SNRPD3: variants seen among roughly 807,000 people sequenced by gnomAD.
The protein encoded by SNRPD3 is small nuclear ribonucleoprotein Sm D3.
For missense variants in SNRPD3, 73 were observed against 167.5 expected (o/e 0.44, Z 3.11); for synonymous variants, 66 against 58.4 (o/e 1.13, Z -0.59).
chr22:24,570,815 CTTTTTTTTTT>C lies in SNRPD3; in HGVS notation c.320-1089_320-1080del, dbSNP rs10705174. 1.6e-3 allele frequency among the ~76,000 whole-genome samples: 171 copies of C among 106,708 alleles called. 2 individuals carry two copies. The highest frequency in any genetic ancestry group is 5.2e-3 in the African/African-American group (162 of 31,204). The allele number at this position is 106,708 out of a possible 152,430, so 70.0% of individuals were successfully genotyped here. A position where few individuals can be genotyped will look rare whatever the true frequency, so the allele number is the denominator to read the frequency against. On this transcript the variant is annotated intron_variant, in intron 3 of 3. Coordinates refer to ENST00000215829, the MANE Select transcript of SNRPD3 (RefSeq NM_004175.5). The stretch of plus-strand genomic sequence containing the variant: ...TTCTTTTTGCTACTATGAAATAATT[CTTTTTTTTTT>C]TTTTTTTTTTTGGAGACTGAGTCTC...
intron 1 of SNRPD3, among the ~76,000 whole-genome samples, chr22:24,556,479 G>A (rs1473771877): frequency 1.3e-5 from 2 of 151,770 alleles, no homozygotes; most frequent in Non-Finnish European, 2.9e-5. Context: ...CCAAAGTGCT[G>A]GGATTACAGG....
At chr22:24,571,759 A>G (rs2045252261) in intron 3 of SNRPD3, among the ~76,000 whole-genome samples, 157 bp from the exon 4 acceptor site, 1 of 151,948 alleles carries the variant, frequency 6.6e-6, no homozygotes, top group African/African-American at 2.4e-5. Flanking sequence ...ATAAAAAAAA[A>G]AAAAGGCGGG....
At position 24,573,860 on chromosome 22, in the gene SNRPD3, G is replaced by A. The variant is rs2045268552; in HGVS notation, c.*1883G>A. ...TGCACCACTGCACTCCAGCCTGGATGACAGTGAGACCCTGTCTCTTAAATA... is the reference window on the plus strand; with the variant it reads ...TGCACCACTGCACTCCAGCCTGGATAACAGTGAGACCCTGTCTCTTAAATA... On this transcript the variant is annotated 3_prime_UTR_variant, in exon 4 of 4. Coordinates refer to ENST00000215829, the MANE Select transcript of SNRPD3 (RefSeq NM_004175.5). 6.6e-6 allele frequency among the ~76,000 whole-genome samples: 1 copy of A among 152,198 alleles called. No individual in the cohort carries two copies.
chr22:24,566,232 A>G (rs2045195567), intron 2 of SNRPD3, among the ~76,000 whole-genome samples: 1 of 152,148 alleles, frequency 6.6e-6, no homozygotes. Context: ...CCATTCCTCT[A>G]GAAACTGCTC....
intron 2 of SNRPD3, among the ~76,000 whole-genome samples, chr22:24,561,980 G>A (rs557835977): frequency 3.2e-4 from 48 of 152,196 alleles, no homozygotes; most frequent in African/African-American, 1.0e-3. Flanking sequence ...CAGCCTGGGC[G>A]ACGGAGTGAG....
chr22:24,558,251 A>G (rs1234991208), intron 2 of SNRPD3, among the ~76,000 whole-genome samples: 1 of 152,234 alleles, frequency 6.6e-6, no homozygotes, highest in East Asian at 1.9e-4. Context: ...GTTTGGTGAT[A>G]GTCTTGTCAT....
chr22:24,563,611 C>A (rs894400966), intron 2 of SNRPD3, among the ~76,000 whole-genome samples: 1 of 152,118 alleles, frequency 6.6e-6, no homozygotes, highest in African/African-American at 2.4e-5. Context: ...ATAAATGATA[C>A]AAGCAAATAC....
chr22:24,568,047 C>T lies in SNRPD3; in HGVS notation c.190C>T (p.Arg64Cys), dbSNP rs1441238518. 4 of 1,613,522 alleles carry T rather than the reference C, an allele frequency of 2.5e-6. No homozygotes were observed. The highest frequency in any genetic ancestry group is 2.5e-6 in the Non-Finnish European group (3 of 1,179,790). The change falls in exon 3 of 4, where the codon CGT becomes TGT. Residue 64 changes from arginine to cysteine, a missense_variant. By Grantham distance (180) the Arg-to-Cys change is radical. Coordinates refer to ENST00000215829, the MANE Select transcript of SNRPD3 (RefSeq NM_004175.5). ...GGCACAGCTGGAGCAGGTATACATC[C>T]GTGGCAGCAAAATCCGCTTTCTGAT... ...RVAQLEQVYI[R>C]GSKIRFLILP... is the part of the protein sequence containing the mutation.
intron 3 of SNRPD3, among the ~76,000 whole-genome samples, chr22:24,568,627 G>A (rs549369849): frequency 2.8e-4 from 42 of 150,650 alleles, no homozygotes; most frequent in African/African-American, 9.0e-4. Context: ...GCGTGATCTC[G>A]GCTCACTGCA....
intron 2 of SNRPD3, among the ~76,000 whole-genome samples, chr22:24,562,335 A>C (rs1468628638): frequency 1.3e-5 from 2 of 152,114 alleles, no homozygotes; most frequent in Non-Finnish European, 2.9e-5. Context: ...AGGTCAGGAG[A>C]TTGAGACCAG....
rs374712738 is a variant in SNRPD3 at position 24,574,255 on chromosome 22, A to G, written c.*2278A>G. ...ACCAGCCTTGCAGATTCTCCACGCA[A>G]TGGAAACTGGCTATAACCCTACCTA... On this transcript the variant is annotated 3_prime_UTR_variant, in exon 4 of 4. Transcript: ENST00000215829. Among the ~76,000 whole-genome samples the G allele has an allele frequency of 7.9e-5, 12 of 152,232 alleles. No homozygotes were observed. Among genetic ancestry groups the G allele is most frequent in the Non-Finnish European group, 1.6e-4 (11 of 68,046 alleles).
At chr22:24,571,358 G>T (rs1392241228) in intron 3 of SNRPD3, among the ~76,000 whole-genome samples, 1 of 152,080 alleles carries the variant, frequency 6.6e-6, no homozygotes, top group East Asian at 1.9e-4. Context: ...AGCAGTGTGG[G>T]ACTGGAAGGC....
Position 24,574,032 on chromosome 22 carries a change from A to T in SNRPD3, c.*2055A>T, listed in dbSNP as rs756625426. Among the ~76,000 whole-genome samples, 2 of 152,238 alleles carry T rather than the reference A, an allele frequency of 1.3e-5. No individual in the cohort carries two copies. The highest frequency in any genetic ancestry group is 2.9e-5 in the Non-Finnish European group (2 of 68,040). ...CAGATAAGTAATTCTTAAGTATTCT[A>T]TCTTAAGTAGACCTAAAGCCGTATT... On this transcript the variant is annotated 3_prime_UTR_variant, in exon 4 of 4. Transcript: ENST00000215829.
chr22:24,558,000 C>T (rs902648137), intron 2 of SNRPD3, 200 bp downstream of exon 2: 53 of 433,820 alleles, frequency 1.2e-4, no homozygotes, highest in African/African-American at 1.1e-3. Flanking sequence ...GGCAGAAAAG[C>T]CATTTGGAGG....
intron 3 of SNRPD3, among the ~76,000 whole-genome samples, chr22:24,570,806 G>GAAAT (rs960048611): frequency 1.4e-5 from 2 of 147,948 alleles, no homozygotes; most frequent in Admixed American, 6.9e-5. Flanking sequence ...TTGCTACTAT[G>GAAAT]AAATAATTCT....
intron 3 of SNRPD3, among the ~76,000 whole-genome samples, chr22:24,570,656 C>T (rs2045240859): frequency 6.6e-6 from 1 of 151,850 alleles, no homozygotes; most frequent in African/African-American, 2.4e-5. Flanking sequence ...GCACTCCAGC[C>T]TAGGTGACAG....
At position 24,557,610 on chromosome 22, in the gene SNRPD3, T is replaced by G. The variant is rs894058588; in HGVS notation, c.-18-47T>G. On this transcript the variant is annotated intron_variant, in intron 1 of 3. Coordinates refer to ENST00000215829, the MANE Select transcript of SNRPD3 (RefSeq NM_004175.5). ...GGAAGCATGATGTGTGCCACATGCC[T>G]TTTCAGACTCTGAAAGATGAACTGA... The G allele has an allele frequency of 3.4e-6, 5 of 1,480,912 alleles. No individual in the cohort carries two copies. The East Asian group carries it at 9.4e-5, about 28-fold the overall frequency. 91.7% of individuals were successfully genotyped at this position (1,480,912 alleles called of 1,614,324 possible).
chr22:24,574,769 G>A lies in SNRPD3; in HGVS notation c.*2792G>A, dbSNP rs1047719862. Among the ~76,000 whole-genome samples, 2 of 151,960 alleles carry A rather than the reference G, an allele frequency of 1.3e-5. No homozygotes were observed. Among genetic ancestry groups the A allele is most frequent in the South Asian group, 2.1e-4 (1 of 4,816 alleles). The stretch of plus-strand genomic sequence containing the variant: ...GTTGCCCAAGCTGGTCTTGAACTCC[G>A]GGGCTCAAGTGATCTGCCCGCCTCG... On this transcript the variant is annotated 3_prime_UTR_variant, in exon 4 of 4. Coordinates refer to ENST00000215829, the MANE Select transcript of SNRPD3 (RefSeq NM_004175.5).
intron 3 of SNRPD3, among the ~76,000 whole-genome samples, chr22:24,569,585 T>G (rs979662370): frequency 1.3e-5 from 2 of 152,176 alleles, no homozygotes; most frequent in Admixed American, 6.5e-5. Flanking sequence ...TCTGACACTA[T>G]CTACCTGGAG....
Sources: allele counts gnomAD v4.1 joint callset (sites outside exome capture counted in the v4.1 genomes callset), GRCh38; gene constraint gnomAD v4.1.1; transcripts MANE v1.5; gene names NCBI Gene and HGNC (gene_info 2026-07-23, HGNC 2026-07-21).